The following KDM5C variants were observed in gnomAD, a reference collection of about 807,000 sequenced individuals.
KDM5C encodes the protein lysine-specific demethylase 5C.
KDM5C carries 16 observed loss-of-function variants against 110.6 expected under a neutral mutation model. The ratio of observed to expected loss-of-function variants is 0.14; its 90% CI spans 0.10 to 0.22. KDM5C has a LOEUF of 0.22. Among genes scored for constraint, KDM5C ranks in the 10% least tolerant of loss-of-function variants. KDM5C has a pLI of 1.00. For missense variants in KDM5C, 681 were observed against 1,300.9 expected, an observed-to-expected ratio of 0.52 and a Z score of 7.33; for synonymous variants, 511 against 520.4, an observed-to-expected ratio of 0.98 and a Z score of 0.24.
rs782216325 is a variant in KDM5C, at chrX:53,208,805, CTTTTTTTTT to C, written c.1746+1600_1746+1608del. ...CAGGCATGAGCCACCACACCCGGCT[CTTTTTTTTT>C]TTTTTTTTTTTTTTTTTTTGAGACA... On this transcript the variant is annotated intron_variant, in intron 12 of 25. Transcript: ENST00000375401. 7.7e-4 allele frequency among the ~76,000 whole-genome samples: 17 copies of C among 22,173 alleles called. No individual in the cohort carries two copies. In the South Asian group the frequency reaches 0.026, roughly 34 times the overall value. 19.3% of individuals were successfully genotyped at this position (22,173 alleles called of 115,157 possible).
intron 12 of KDM5C, among the ~76,000 whole-genome samples, chrX:53,208,706 T>C (rs184901372): frequency 1.9e-5 from 2 of 105,782 alleles, no homozygotes; most frequent in Non-Finnish European, 3.9e-5. Flanking sequence ...GGTTTCACCA[T>C]GTTGGCCAGG....
rs182582659 is a variant in KDM5C, at chrX:53,201,425, C to A, written c.2061+125G>T. 1.1e-4 allele frequency: 74 copies of A among 650,176 alleles called. No homozygotes were observed. In the African/African-American group the frequency reaches 1.4e-3, roughly 12 times the overall value. 53.6% of individuals were successfully genotyped at this position (650,176 alleles called of 1,213,427 possible). On this transcript the variant is annotated intron_variant, in intron 14 of 25. Transcript: ENST00000375401. ...ATAGCAGAGAATGGTATGTGGTTTT[C>A]AATCGAGATGCATCTAGTTCTTTTC...
chrX:53,207,839 C>T (rs1433480296), intron 12 of KDM5C, among the ~76,000 whole-genome samples: 1 of 108,817 alleles, frequency 9.2e-6, no homozygotes, highest in Non-Finnish European at 1.9e-5. Context: ...ATCCCACCTA[C>T]TCGGGAGGCT....
chrX:53,221,671 G>C (rs782673128), intron 1 of KDM5C: 161 of 847,651 alleles, frequency 1.9e-4, no homozygotes, highest in Non-Finnish European at 2.5e-4. Flanking sequence ...CAGGGAGCAA[G>C]TATGTGTATC....
chrX:53,180,877 C>T (rs1034960074), intron 25 of KDM5C, among the ~76,000 whole-genome samples: 4 of 108,327 alleles, frequency 3.7e-5, no homozygotes, highest in Non-Finnish European at 7.7e-5. Flanking sequence ...TACAGGCACC[C>T]GCCACCACGC....
At chrX:53,204,250 T>C (rs1556843979) in intron 12 of KDM5C, among the ~76,000 whole-genome samples, 1 of 102,032 alleles carries the variant, frequency 9.8e-6, no homozygotes, top group Non-Finnish European at 2.0e-5. Flanking sequence ...TTTTTTTTTT[T>C]TTTTTTTTTT....
Position 53,201,890 on chromosome X carries a change from G to A in KDM5C, c.1830C>T (p.Asn610=), listed in dbSNP as rs2073150830. The A allele has an allele frequency of 1.7e-6, 2 of 1,210,518 alleles. No individual in the cohort carries two copies. Among genetic ancestry groups the A allele is most frequent in the South Asian group, 1.8e-5 (1 of 56,889 alleles). The change falls in exon 13 of 26, where the codon AAC becomes AAT. Residue 610 remains asparagine (N), a synonymous_variant. Coordinates refer to ENST00000375401, the MANE Select transcript of KDM5C (RefSeq NM_004187.5). ...TGCAAAAGTTGACAGCCTCGGCAAA[G>A]TTGTAGCCTTGGTTGAAGCCGCTGT... ...AYHSGFNQGY[N]FAEAVNFCTA...
chrX:53,201,025 A>G (rs192152628), intron 14 of KDM5C, among the ~76,000 whole-genome samples: 62 of 112,911 alleles, frequency 5.5e-4, no homozygotes, highest in African/African-American at 1.8e-3. Context: ...ATTACCAATA[A>G]TAGCAGCTGC....
chrX:53,217,014 C>T, intron 5 of KDM5C, 129 bp downstream of exon 5: 1 of 814,547 alleles, frequency 1.2e-6, no homozygotes, highest in Non-Finnish European at 1.8e-6. Context: ...GAGAGAGGCA[C>T]ACTAATGCTC....
chrX:53,194,782 C>A (rs971999602), intron 22 of KDM5C, 44 bp from the exon 23 acceptor site: 44 of 1,204,267 alleles, frequency 3.7e-5, no homozygotes, highest in Non-Finnish European at 4.8e-5. Flanking sequence ...GCAGCCTACC[C>A]CTTCCCTTCT....
rs193006464 is a variant in KDM5C at position 53,183,591 on chromosome X, C to T, written c.4309-6969G>A. Among the ~76,000 whole-genome samples, 285 of 98,321 alleles carry T rather than the reference C, an allele frequency of 2.9e-3. 1 individual carries two copies. The highest frequency in any genetic ancestry group is 9.8e-3 in the African/African-American group (259 of 26,406). The allele number at this position is 98,321 out of a possible 115,157, so 85.4% of individuals were successfully genotyped here. On this transcript the variant is annotated intron_variant, in intron 25 of 25. Coordinates refer to the KDM5C transcript ENST00000685641. The stretch of plus-strand genomic sequence containing the variant: ...TTTTTTTTTCTTTTTTTTTTTGAGA[C>T]GGAGTCTTGCTCTGTCACCCAGGCT...
Position 53,192,861 on chromosome X carries a change from A to ACCCCCCCCCCCCCCCCCCC in KDM5C, c.*105_*106insGGGGGGGGGGGGGGGGGGG. Reference sequence around the variant, plus strand: ...GGGTGGGCGGGTAGCAGGGATGGCCACCCCCCTACCCGCCCACCCCCCAAG... The same window carrying ACCCCCCCCCCCCCCCCCCC: ...GGGTGGGCGGGTAGCAGGGATGGCCACCCCCCCCCCCCCCCCCCCCCCCCCTACCCGCCCACCCCCCAAG... On this transcript the variant is annotated 3_prime_UTR_variant, in exon 26 of 26. Transcript: ENST00000375401. 8.0e-6 allele frequency: 4 copies of ACCCCCCCCCCCCCCCCCCC among 502,002 alleles called. No homozygotes were observed. The highest frequency in any genetic ancestry group is 1.2e-5 in the Non-Finnish European group (4 of 347,650). The allele number at this position is 502,002 out of a possible 1,213,427, so 41.4% of individuals were successfully genotyped here.
At chrX:53,220,615 G>A (rs781955960) in intron 2 of KDM5C, among the ~76,000 whole-genome samples, 1 of 112,395 alleles carries the variant, frequency 8.9e-6, no homozygotes, top group South Asian at 3.6e-4. Context: ...CCCAGCCTTT[G>A]GGCTATCAAA....
Position 53,196,807 on chromosome X carries a change from A to G in KDM5C, c.2860T>C (p.Leu954=). ...GGGGCTACACTGGCACCCGCGACCA[A>G]CAGTCCTCGCATGACAGCCAAGGTG... The part of the protein sequence containing the change: ...RGTLAVMRGL[L]VAGASVAPSP... Residue 954 remains leucine (L), a synonymous_variant, in exon 19 of 26, where the codon TTG becomes CTG. Coordinates refer to ENST00000375401, the MANE Select transcript of KDM5C (RefSeq NM_004187.5). 1.7e-6 allele frequency: 2 copies of G among 1,211,788 alleles called. No homozygotes were observed. Among genetic ancestry groups the G allele is most frequent in the Non-Finnish European group, 2.2e-6 (2 of 895,191 alleles).
At chrX:53,207,178 CAA>C (rs56948247) in intron 12 of KDM5C, among the ~76,000 whole-genome samples, 94 of 40,263 alleles carry the variant, frequency 2.3e-3, no homozygotes, top group African/African-American at 9.3e-3. Context: ...ACTCCTTCTC[CAA>C]AAAAAAAAAA....
intron 7 of KDM5C, 193 bp from the exon 8 acceptor site, chrX:53,215,040 A>T (rs2073700763): frequency 2.0e-6 from 1 of 506,247 alleles, no homozygotes; most frequent in Admixed American, 2.7e-5. Flanking sequence ...TCCCATTTTT[A>T]TTCATCCAAT....
chrX:53,218,718 G>A, intron 2 of KDM5C: 1 of 365,066 alleles, frequency 2.7e-6, no homozygotes, highest in South Asian at 2.9e-5. Context: ...TGGAACTATA[G>A]GCGCACGCCA....
intron 16 of KDM5C, 46 bp downstream of exon 16, chrX:53,198,718 G>A (rs1056842579): frequency 8.3e-7 from 1 of 1,210,067 alleles, no homozygotes; most frequent in African/African-American, 1.7e-5. Flanking sequence ...AGAAGAAAGG[G>A]AATAGAACTT....
At chrX:53,183,104 G>A (rs1406190759) in intron 25 of KDM5C, among the ~76,000 whole-genome samples, 1 of 109,540 alleles carries the variant, frequency 9.1e-6, no homozygotes, top group African/African-American at 3.3e-5. Flanking sequence ...CTCTCCCCTC[G>A]TTGAATGGAC....
Sources: gnomAD v4.1 joint callset for allele counts (sites outside exome capture counted in the v4.1 genomes callset) on GRCh38, gnomAD v4.1.1 for gene constraint, MANE v1.5 for transcripts, NCBI Gene and HGNC (gene_info 2026-07-23, HGNC 2026-07-21) for gene names.